SYNE2: variants seen among roughly 807,000 people sequenced by gnomAD.
SYNE2 encodes the protein nesprin-2.
A neutral mutation model predicts 856.3 loss-of-function variants in SYNE2; 431 were observed. The observed-to-expected ratio is 0.50, with a 90% CI of 0.47 to 0.55. SYNE2 has a LOEUF of 0.55. Among genes scored for constraint, SYNE2 ranks in the 20% least tolerant of loss-of-function variants. The pLI, the probability that SYNE2 is intolerant of heterozygous loss-of-function variation, is 0.00. For missense variants in SYNE2, 8,129 were observed against 8,023.2 expected, an observed-to-expected ratio of 1.01 and a Z score of -0.50; for synonymous variants, 2,923 against 2,872.3, an observed-to-expected ratio of 1.02 and a Z score of -0.56.
intron 51 of SYNE2, among the ~76,000 whole-genome samples, chr14:64,068,181 A>G (rs1279698914): frequency 6.6e-6 from 1 of 152,154 alleles, no homozygotes; most frequent in Non-Finnish European, 1.5e-5. Context: ...TTAGTGTAAA[A>G]TATGTTGTTC....
intron 16 of SYNE2, 58 bp from the exon 17 acceptor site, chr14:63,982,572 C>A (rs1036333554): frequency 3.4e-4 from 426 of 1,259,592 alleles, no homozygotes; most frequent in Non-Finnish European, 2.0e-4. Context: ...ATTGATTATA[C>A]ATAATAGAAA....
chr14:64,023,027 G>A lies in SYNE2; in HGVS notation c.5637+164G>A, dbSNP rs1035039698. On this transcript the variant is annotated intron_variant, in intron 38 of 115. Transcript: ENST00000555002. ...GTGGATCACTTGAGCTCAAGAGTTC[G>A]AGACCAGCCTGGGTCTCGAACTTTG... The A allele has an allele frequency of 1.3e-5, 8 of 609,638 alleles. No homozygotes were observed. The East Asian group carries it at 1.4e-4, about 11-fold the overall frequency. The allele number at this position is 609,638 out of a possible 1,614,324, so 37.8% of individuals were successfully genotyped here.
At chr14:64,137,408 C>G (rs2098102661) in intron 78 of SYNE2, among the ~76,000 whole-genome samples, 1 of 152,076 alleles carries the variant, frequency 6.6e-6, no homozygotes, top group Admixed American at 6.5e-5. Flanking sequence ...CGCCACCACA[C>G]CTAGCTAATT....
chr14:64,009,725 C>CA (rs2096829031), intron 31 of SYNE2, among the ~76,000 whole-genome samples: 2 of 152,038 alleles, frequency 1.3e-5, no homozygotes, highest in South Asian at 2.1e-4. Context: ...CTAGACCTTA[C>CA]ATCTGGTAAC....
intron 1 of SYNE2, among the ~76,000 whole-genome samples, chr14:63,772,967 G>A (rs1003279750): frequency 7.3e-5 from 11 of 151,696 alleles, no homozygotes; most frequent in African/African-American, 2.7e-4. Flanking sequence ...TTAGTAAAAT[G>A]GGGTTTCACC....
intron 94 of SYNE2, among the ~76,000 whole-genome samples, chr14:64,171,149 A>G (rs566255620): frequency 6.6e-6 from 1 of 152,362 alleles, no homozygotes; most frequent in South Asian, 2.1e-4. Flanking sequence ...GCTTTCCAAA[A>G]GAAACTTGCC....
chr14:63,852,584 A>G (rs1198545047), upstream of SYNE2, among the ~76,000 whole-genome samples: 1 of 152,150 alleles, frequency 6.6e-6, no homozygotes, highest in Non-Finnish European at 1.5e-5. Context: ...TTTTACAAAG[A>G]GCCCGCGGGG....
chr14:64,062,265 A>G (rs577192583), intron 49 of SYNE2, among the ~76,000 whole-genome samples: 2 of 152,114 alleles, frequency 1.3e-5, no homozygotes, highest in African/African-American at 2.4e-5. Context: ...AGGGTATTCC[A>G]ATGTGTGATG....
At chr14:64,191,149 TTTA>T (rs2098516903) in intron 99 of SYNE2, 3 of 408,938 alleles carry the variant, frequency 7.3e-6, no homozygotes, top group African/African-American at 2.1e-5. Context: ...ATTATTTAAA[TTTA>T]TTATTTAAAT....
chr14:64,005,165 TC>T (rs2096786762), intron 30 of SYNE2, among the ~76,000 whole-genome samples: 1 of 152,212 alleles, frequency 6.6e-6, no homozygotes, highest in Non-Finnish European at 1.5e-5. Flanking sequence ...TTTGGCTTGT[TC>T]TTCAAGTGAC....
At chr14:63,978,064 A>G (rs2096558029) in intron 13 of SYNE2, 47 bp downstream of exon 13, 1 of 1,218,650 alleles carries the variant, frequency 8.2e-7, no homozygotes, top group Non-Finnish European at 1.2e-6. Context: ...TTCACGTTTG[A>G]GTAACAACTG....
chr14:64,056,364 G>GT (rs1165649597), intron 49 of SYNE2, 98 bp downstream of exon 49: 14 of 1,209,706 alleles, frequency 1.2e-5, no homozygotes, highest in South Asian at 6.4e-5. Context: ...TAAAATATAG[G>GT]TTTTTTTCTC....
chr14:64,220,312 C>A, intron 110 of SYNE2, 125 bp from the exon 111 acceptor site: 1 of 1,071,426 alleles, frequency 9.3e-7, no homozygotes, highest in East Asian at 2.5e-5. Context: ...CAGGCGAGGT[C>A]ACTCTCATTT....
At chr14:64,020,948 CATAA>C (rs1019100968) in intron 35 of SYNE2, among the ~76,000 whole-genome samples, 32 of 152,246 alleles carry the variant, frequency 2.1e-4, no homozygotes, top group African/African-American at 7.0e-4. Context: ...CTGTGTACAT[CATAA>C]ATACTCAATA....
rs2096934633 is a variant in SYNE2, at chr14:64,021,347, A to G, written c.5184A>G (p.Glu1728=). ...AGTCCTCTATTTTGAACAAGATGGA[A>G]CATGTACAGAAGTGCTTAACAGGAG... ...VMESSILNKM[E]HVQKCLTGES... Residue 1728 remains glutamate, a synonymous_variant, in exon 36 of 116, where the codon GAA becomes GAG. Coordinates refer to ENST00000555002, the MANE Select transcript of SYNE2 (RefSeq NM_182914.3). The G allele has an allele frequency of 1.2e-6, 2 of 1,614,034 alleles. No homozygotes were observed. Among genetic ancestry groups the G allele is most frequent in the East Asian group, 2.2e-5 (1 of 44,902 alleles).
chr14:63,990,723 G>A lies in SYNE2; in HGVS notation c.2472+154G>A, dbSNP rs1273193. Among the ~76,000 whole-genome samples the A allele has an allele frequency of 0.54, 82,046 of 151,948 alleles. 23,747 individuals are homozygous for A. The highest frequency in any genetic ancestry group is 0.77 in the African/African-American group (31,745 of 41,458). Reference sequence around the variant, plus strand: ...GTTTTATTTCTTTATAATTTAAAGCGTATCAGAAAATATAAGTATCATAAG... The same window carrying A: ...GTTTTATTTCTTTATAATTTAAAGCATATCAGAAAATATAAGTATCATAAG... On this transcript the variant is annotated intron_variant, in intron 20 of 115. Coordinates refer to ENST00000555002, the MANE Select transcript of SYNE2 (RefSeq NM_182914.3).
chr14:64,009,467 C>T (rs184649882), intron 31 of SYNE2, among the ~76,000 whole-genome samples: 12 of 136,698 alleles, frequency 8.8e-5, no homozygotes, highest in East Asian at 4.5e-4. Context: ...ATCCAGGAGG[C>T]GGACGTTGCA....
chr14:64,136,215 G>T (rs1353875505), intron 78 of SYNE2, among the ~76,000 whole-genome samples: 1 of 151,040 alleles, frequency 6.6e-6, no homozygotes, highest in African/African-American at 2.4e-5. Flanking sequence ...GCTGGAACCC[G>T]GGAGTCGGAG....
At chr14:64,038,947 C>T (rs948286467) in intron 45 of SYNE2, among the ~76,000 whole-genome samples, 2 of 152,174 alleles carry the variant, frequency 1.3e-5, no homozygotes, top group East Asian at 1.9e-4. Context: ...GACTGGGGCA[C>T]GGTGGCTGCA....
Sources: gnomAD v4.1 joint callset for allele counts (sites outside exome capture counted in the v4.1 genomes callset) on GRCh38, gnomAD v4.1.1 for gene constraint, MANE v1.5 for transcripts, NCBI Gene and HGNC (gene_info 2026-07-23, HGNC 2026-07-21) for gene names.